Variants in SCHIP1 observed in about 807,000 individuals in gnomAD.
SCHIP1 encodes schwannomin-interacting protein 1.
SCHIP1 carries 8 observed loss-of-function variants against 29.7 expected under a neutral mutation model. That is an observed-to-expected ratio of 0.27 (90% confidence interval 0.16 to 0.49). The LOEUF is 0.49. Ranked by LOEUF, SCHIP1 falls within the 20% of genes least tolerant of loss-of-function variation. The pLI, the probability that SCHIP1 is intolerant of heterozygous loss-of-function variation, is 0.99. For missense variants in SCHIP1, 193 were observed against 294.6 expected, an observed-to-expected ratio of 0.66 and a Z score of 2.52; for synonymous variants, 76 against 94.9, an observed-to-expected ratio of 0.80 and a Z score of 1.16.
At chr3:159,732,627 C>A in the SCHIP1 span, among the ~76,000 whole-genome samples, 4 of 152,280 alleles carry the variant, frequency 2.6e-5, no homozygotes, top group South Asian at 8.3e-4. Flanking sequence ...GGGGAGAAGG[C>A]AGCAAGGTTA....
At chr3:159,523,410 A>C in the SCHIP1 span, among the ~76,000 whole-genome samples, 1 of 152,110 alleles carries the variant, frequency 6.6e-6, no homozygotes, top group African/African-American at 2.4e-5. Context: ...CTTTTTCTTG[A>C]AGTTTATTTC....
At chr3:159,706,493 C>A in the SCHIP1 span, among the ~76,000 whole-genome samples, 9 of 152,164 alleles carry the variant, frequency 5.9e-5, no homozygotes, top group Non-Finnish European at 1.2e-4. Context: ...ATTAAATTAG[C>A]AGAATATCAC....
the SCHIP1 span, among the ~76,000 whole-genome samples, chr3:159,476,839 AAATAC>A: frequency 6.6e-6 from 1 of 152,110 alleles, no homozygotes; most frequent in Non-Finnish European, 1.5e-5. Context: ...TTATTTTGAA[AAATAC>A]AATATATTTT....
intron 1 of SCHIP1, among the ~76,000 whole-genome samples, chr3:159,851,572 C>A (rs1007129527): frequency 4.7e-5 from 5 of 106,998 alleles, no homozygotes; most frequent in African/African-American, 1.8e-4. Context: ...TTAATATATG[C>A]CAGGTAAGAA....
chr3:159,879,425 CAG>C (rs1472333923), intron 2 of SCHIP1, among the ~76,000 whole-genome samples: 2 of 152,110 alleles, frequency 1.3e-5, no homozygotes, highest in Non-Finnish European at 2.9e-5. Context: ...ATATGTGAAA[CAG>C]GGTTCACAGT....
At chr3:159,891,023 T>C (rs33058) in intron 5 of SCHIP1, among the ~76,000 whole-genome samples, 53,540 of 152,004 alleles carry the variant, frequency 0.35, 9,988 homozygotes, top group East Asian at 0.72. Context: ...TGCTTGTTCA[T>C]GTTTTTCAGT....
chr3:159,866,113 G>A lies in SCHIP1; in HGVS notation c.31-50G>A, dbSNP rs367556797. 5.7e-5 allele frequency: 88 copies of A among 1,536,276 alleles called. No individual in the cohort carries two copies. In the African/African-American group the frequency reaches 1.2e-3, roughly 20 times the overall value. On this transcript the variant is annotated intron_variant, in intron 1 of 6. Transcript: ENST00000445224. Reference sequence around the variant, plus strand: ...TTAGCAAGTTAGACTGCCTGTGGTTGTGCTATATCTGCCCACTTATCAGCA... The same window carrying A: ...TTAGCAAGTTAGACTGCCTGTGGTTATGCTATATCTGCCCACTTATCAGCA...
chr3:159,448,417 G>C, the SCHIP1 span, among the ~76,000 whole-genome samples: 3 of 152,244 alleles, frequency 2.0e-5, no homozygotes, highest in East Asian at 3.9e-4. Flanking sequence ...GTTGCAATCA[G>C]CTGAGATTAC....
chr3:159,878,561 G>A (rs1181634211), intron 2 of SCHIP1, among the ~76,000 whole-genome samples: 4 of 151,690 alleles, frequency 2.6e-5, no homozygotes, highest in East Asian at 3.9e-4. Flanking sequence ...GGCGAATCAC[G>A]AGGTCAGGAG....
chr3:159,851,500 T>G (rs1712629396), intron 1 of SCHIP1, among the ~76,000 whole-genome samples: 1 of 152,156 alleles, frequency 6.6e-6, no homozygotes, highest in Non-Finnish European at 1.5e-5. Context: ...TAAAGACATA[T>G]GTAGGAGGAA....
chr3:159,833,223 T>C, the SCHIP1 span, among the ~76,000 whole-genome samples: 1 of 152,240 alleles, frequency 6.6e-6, no homozygotes. Context: ...TGGGTCTCAC[T>C]GGACTAAAAT....
At chr3:159,441,728 G>T in the SCHIP1 span, among the ~76,000 whole-genome samples, 3 of 152,174 alleles carry the variant, frequency 2.0e-5, no homozygotes, top group African/African-American at 7.2e-5. Context: ...CAAGCATAGG[G>T]CCCTGGGACA....
the SCHIP1 span, among the ~76,000 whole-genome samples, chr3:159,810,125 A>T: frequency 6.6e-6 from 1 of 152,200 alleles, no homozygotes; most frequent in Non-Finnish European, 1.5e-5. Flanking sequence ...AGCTCACTGC[A>T]ACCTCCGCCT....
chr3:159,596,512 T>C, the SCHIP1 span, among the ~76,000 whole-genome samples: 39 of 152,278 alleles, frequency 2.6e-4, no homozygotes, highest in African/African-American at 8.7e-4. Flanking sequence ...ATGTTTATTG[T>C]GGCACTATTC....
the SCHIP1 span, among the ~76,000 whole-genome samples, chr3:159,728,487 G>A: frequency 6.6e-6 from 1 of 152,150 alleles, no homozygotes; most frequent in Non-Finnish European, 1.5e-5. Flanking sequence ...GTTGTTCCAT[G>A]CCTAAGTAAT....
At chr3:159,866,988 T>A (rs1714699380) in intron 2 of SCHIP1, among the ~76,000 whole-genome samples, 2 of 152,164 alleles carry the variant, frequency 1.3e-5, no homozygotes, top group African/African-American at 4.8e-5. Context: ...TAGATCTAGG[T>A]GGGGCTCAAG....
the SCHIP1 span, among the ~76,000 whole-genome samples, chr3:159,553,265 TAAA>T: frequency 9.7e-5 from 14 of 144,952 alleles, no homozygotes; most frequent in Admixed American, 6.9e-5. Flanking sequence ...TGGAAAAGGT[TAAA>T]AAAAAAAAAG....
the SCHIP1 span, among the ~76,000 whole-genome samples, chr3:159,502,781 A>G: frequency 2.7e-4 from 41 of 152,228 alleles, no homozygotes; most frequent in African/African-American, 9.6e-4. Context: ...ATGTGCAGCC[A>G]CAATGGCCTT....
At chr3:159,396,449 C>A in the SCHIP1 span, among the ~76,000 whole-genome samples, 1 of 147,042 alleles carries the variant, frequency 6.8e-6, no homozygotes, top group Admixed American at 6.8e-5. Context: ...GATTTTGCAG[C>A]GGCTGGTACC....
Sources: gnomAD v4.1 joint callset for allele counts (sites outside exome capture counted in the v4.1 genomes callset) on GRCh38, gnomAD v4.1.1 for gene constraint, MANE v1.5 for transcripts, NCBI Gene and HGNC (gene_info 2026-07-23, HGNC 2026-07-21) for gene names.